Variants in CDH7 observed in about 807,000 individuals in gnomAD.
CDH7 encodes the protein cadherin-7.
CDH7 carries 25 observed loss-of-function variants against 71.8 expected under a neutral mutation model. The observed-to-expected ratio is 0.35, with a 90% CI of 0.25 to 0.49. The LOEUF (loss-of-function observed/expected upper bound fraction) is 0.49, where lower values mean the gene tolerates loss of function less well. CDH7 is among the 20% of genes least tolerant of loss of function. The probability of loss-of-function intolerance (pLI) is 0.99; values close to 1 mark genes in which losing one functional copy is unlikely to be tolerated. For synonymous variants in CDH7, 381 were observed against 363.8 expected, an observed-to-expected ratio of 1.05 and a Z score of -0.54; for missense variants, 862 against 974.6, an observed-to-expected ratio of 0.88 and a Z score of 1.54.
At chr18:65,778,048 G>A (rs1910017266) in intron 2 of CDH7, among the ~76,000 whole-genome samples, 1 of 152,044 alleles carries the variant, frequency 6.6e-6, no homozygotes, top group South Asian at 2.1e-4. Flanking sequence ...CGAGGCGGGT[G>A]GATCATGAGG....
chr18:65,768,222 G>GT (rs552676667), intron 2 of CDH7, among the ~76,000 whole-genome samples: 33,516 of 81,940 alleles, frequency 0.41, 4,822 homozygotes, highest in Non-Finnish European at 0.47. Context: ...ATGCGTTGTT[G>GT]TTTTTTTTTT....
At chr18:65,803,682 A>T (rs560906348) in intron 2 of CDH7, 6 of 152,250 alleles carry the variant, frequency 3.9e-5, no homozygotes, top group African/African-American at 1.2e-4. Flanking sequence ...AAACTTGTTT[A>T]TAATATGTAT....
chr18:65,765,525 G>T (rs369900648), intron 2 of CDH7, among the ~76,000 whole-genome samples: 7 of 150,722 alleles, frequency 4.6e-5, no homozygotes, highest in Non-Finnish European at 1.0e-4. Context: ...AGGACAGAAA[G>T]AAATAAAAAT....
chr18:65,769,985 A>G (rs1205007622), intron 2 of CDH7, among the ~76,000 whole-genome samples: 1 of 152,192 alleles, frequency 6.6e-6, no homozygotes, highest in African/African-American at 2.4e-5. Context: ...TGAAAGAGAT[A>G]TAAAATAACC....
intron 8 of CDH7, among the ~76,000 whole-genome samples, chr18:65,858,331 G>C (rs563910871): frequency 1.6e-4 from 24 of 151,820 alleles, no homozygotes; most frequent in Admixed American, 7.2e-4. Flanking sequence ...ACTAAGTTTA[G>C]TCCCTCATAA....
chr18:65,813,730 G>C (rs1372140871), intron 3 of CDH7, among the ~76,000 whole-genome samples: 1 of 151,500 alleles, frequency 6.6e-6, no homozygotes, highest in Non-Finnish European at 1.5e-5. Flanking sequence ...ATTCCAAATG[G>C]AAAAAAAGGA....
chr18:65,757,004 C>A (rs572476552), intron 1 of CDH7, among the ~76,000 whole-genome samples: 1 of 149,564 alleles, frequency 6.7e-6, no homozygotes, highest in East Asian at 2.0e-4. Flanking sequence ...GGAAGACTCG[C>A]AATTTTGCTG....
chr18:65,854,399 T>C (rs1413535378), intron 7 of CDH7, among the ~76,000 whole-genome samples: 4 of 152,198 alleles, frequency 2.6e-5, no homozygotes, highest in Non-Finnish European at 5.9e-5. Flanking sequence ...CCCATGTTTT[T>C]TCAAAACAGA....
chr18:65,811,961 C>CTTTTTTTTTTT (rs1369279315), intron 3 of CDH7, among the ~76,000 whole-genome samples: 2 of 52,720 alleles, frequency 3.8e-5, no homozygotes, highest in African/African-American at 1.1e-4. Context: ...CTTTTCTTTT[C>CTTTTTTTTTTT]TTTTCTTTTT....
At chr18:65,795,575 A>ATGAAGAG (rs1472423328) in intron 2 of CDH7, among the ~76,000 whole-genome samples, 1 of 152,156 alleles carries the variant, frequency 6.6e-6, no homozygotes, top group Non-Finnish European at 1.5e-5. Flanking sequence ...TCTCAGAGAA[A>ATGAAGAG]TGAAGAGCAA....
intron 2 of CDH7, among the ~76,000 whole-genome samples, chr18:65,789,481 T>TG (rs1555682879): frequency 5.9e-4 from 90 of 151,676 alleles, no homozygotes; most frequent in African/African-American, 2.1e-3. Context: ...GTTTGTTTTT[T>TG]TTTGTTTGTT....
chr18:65,784,643 G>T (rs1393455812), intron 2 of CDH7, among the ~76,000 whole-genome samples: 2 of 152,078 alleles, frequency 1.3e-5, no homozygotes, highest in Non-Finnish European at 2.9e-5. Context: ...CCTTAATCTT[G>T]TTAATTTCAT....
chr18:65,852,556 A>T (rs1335995268), intron 7 of CDH7, among the ~76,000 whole-genome samples: 4 of 152,030 alleles, frequency 2.6e-5, no homozygotes, highest in Non-Finnish European at 1.5e-5. Context: ...AGAAAGGGGG[A>T]GGGCAGAAAT....
At chr18:65,809,625 C>T (rs1201449310) in intron 2 of CDH7, 79 bp from the exon 3 acceptor site, 3 of 1,205,002 alleles carry the variant, frequency 2.5e-6, no homozygotes, top group African/African-American at 1.5e-5. Context: ...TCCTGCCTGA[C>T]ATAAGAATTA....
intron 2 of CDH7, 30 bp downstream of exon 2, chr18:65,763,082 A>G: frequency 6.7e-7 from 1 of 1,490,264 alleles, no homozygotes; most frequent in African/African-American, 1.4e-5. Context: ...CAAAGTTGTA[A>G]ATGATTATTG....
chr18:65,859,229 G>T (rs989469995), intron 9 of CDH7, among the ~76,000 whole-genome samples, 183 bp downstream of exon 9: 1 of 152,154 alleles, frequency 6.6e-6, no homozygotes, highest in Admixed American at 6.6e-5. Flanking sequence ...AGTTTAATTG[G>T]GGTGATGAAA....
intron 2 of CDH7, among the ~76,000 whole-genome samples, chr18:65,804,236 G>T (rs1047234082): frequency 6.6e-6 from 1 of 151,940 alleles, no homozygotes; most frequent in African/African-American, 2.4e-5. Flanking sequence ...TTACCTTTAT[G>T]AATCCCATTC....
chr18:65,835,513 GC>G (rs778596838), intron 6 of CDH7, among the ~76,000 whole-genome samples: 15 of 152,088 alleles, frequency 9.9e-5, no homozygotes, highest in Admixed American at 3.9e-4. Context: ...GTTAAGATTT[GC>G]CACTGTTTGA....
chr18:65,793,341 G>A (rs529803077), intron 2 of CDH7, among the ~76,000 whole-genome samples: 244 of 151,538 alleles, frequency 1.6e-3, no homozygotes, highest in African/African-American at 5.7e-3. Flanking sequence ...GCTGTGGTGG[G>A]AGGATTGCTT....
Sources: allele counts gnomAD v4.1 joint callset (sites outside exome capture counted in the v4.1 genomes callset), GRCh38; gene constraint gnomAD v4.1.1; transcripts MANE v1.5; gene names NCBI Gene and HGNC (gene_info 2026-07-23, HGNC 2026-07-21).